The following DOP1A variants were observed in gnomAD, a reference collection of about 807,000 sequenced individuals.
DOP1A encodes the protein protein DOP1A.
In DOP1A, 90 loss-of-function variants were observed where a neutral mutation model predicts 267.6. The observed-to-expected ratio is 0.34, with a 90% CI of 0.28 to 0.40. The LOEUF is 0.40. Ranked by LOEUF, DOP1A falls within the 10% of genes least tolerant of loss-of-function variation. The pLI is 1.00. For synonymous variants in DOP1A, 932 were observed against 999.1 expected (o/e 0.93, Z 1.27); for missense variants, 2,437 against 2,900.4 (o/e 0.84, Z 3.67).
intron 19 of DOP1A, 110 bp downstream of exon 19, chr6:83,134,397 T>A (rs1778548329): frequency 2.7e-6 from 2 of 744,824 alleles, no homozygotes; most frequent in Non-Finnish European, 4.0e-6. Flanking sequence ...TTTACAAATT[T>A]TATAAAGAGA....
Position 83,138,383 on chromosome 6 carries a change from C to G in DOP1A, c.4341C>G (p.Phe1447Leu). 6.2e-7 allele frequency: 1 copy of G among 1,610,860 alleles called. No homozygotes were observed. Among genetic ancestry groups the G allele is most frequent in the Non-Finnish European group, 8.5e-7 (1 of 1,179,894 alleles). ...SHIPVDSNHN[F>L]RSSMYIEILI... ...TTCCAGTGGACTCAAATCATAACTTCCGGAGTTCTATGTACATAGAAATTC... is the reference window on the plus strand; with the variant it reads ...TTCCAGTGGACTCAAATCATAACTTGCGGAGTTCTATGTACATAGAAATTC... The change falls in exon 21 of 39, where the codon TTC becomes TTG. Residue 1447 changes from phenylalanine to leucine, a missense_variant. By Grantham distance (22) the Phe-to-Leu change is conservative. Coordinates refer to ENST00000349129, the MANE Select transcript of DOP1A (RefSeq NM_015018.4).
At chr6:83,154,085 C>T (rs2128349467) in intron 32 of DOP1A, 42 bp downstream of exon 32, 1 of 1,612,844 alleles carries the variant, frequency 6.2e-7, no homozygotes, top group Non-Finnish European at 8.5e-7. Flanking sequence ...ATGCACCTCA[C>T]AGTCTGATGA....
intron 33 of DOP1A, among the ~76,000 whole-genome samples, chr6:83,154,965 T>C (rs1562375698): frequency 6.6e-6 from 1 of 152,208 alleles, no homozygotes; most frequent in Non-Finnish European, 1.5e-5. Context: ...TTCAGATTTA[T>C]CCATTCAACA....
chr6:83,099,489 G>A (rs929850004), intron 3 of DOP1A, among the ~76,000 whole-genome samples: 145 of 151,910 alleles, frequency 9.5e-4, no homozygotes, highest in African/African-American at 3.3e-3. Context: ...AAGATATACT[G>A]GGAACTCTTT....
intron 29 of DOP1A, 74 bp from the exon 30 acceptor site, chr6:83,152,214 A>G (rs1296340983): frequency 4.6e-6 from 2 of 432,922 alleles, no homozygotes; most frequent in African/African-American, 3.7e-5. Context: ...AAAATAATAC[A>G]CACACACACA....
Position 83,157,403 on chromosome 6 carries a change from A to G in DOP1A, c.6741+85A>G, listed in dbSNP as rs1473342051. 19 of 1,400,574 alleles carry G rather than the reference A, an allele frequency of 1.4e-5. No homozygotes were observed. The East Asian group carries it at 4.1e-4, about 30-fold the overall frequency. The allele number at this position is 1,400,574 out of a possible 1,614,324, so 86.8% of individuals were successfully genotyped here. ...CCATGTGCTTACTAGATATTAACGA[A>G]TATTGGGAGAGAACTGAGCTGTAGT... is the stretch of plus-strand genomic sequence containing the variant. On this transcript the variant is annotated intron_variant, in intron 35 of 38. Coordinates refer to ENST00000349129, the MANE Select transcript of DOP1A (RefSeq NM_015018.4).
At chr6:83,123,402 G>A (rs888849233) in intron 12 of DOP1A, among the ~76,000 whole-genome samples, 1 of 151,966 alleles carries the variant, frequency 6.6e-6, no homozygotes, top group Non-Finnish European at 1.5e-5. Context: ...ACTGGGAAGT[G>A]ATAAAAGCCT....
rs1773100192 is a variant in DOP1A at position 83,104,027 on chromosome 6, A to G, written c.320+3141A>G. Reference sequence around the variant, plus strand: ...CTGTCTTTTGAAGAAAGTTTTTTTTAGTTTAATGAAGTCTGATTTATCAAC... The same window carrying G: ...CTGTCTTTTGAAGAAAGTTTTTTTTGGTTTAATGAAGTCTGATTTATCAAC... On this transcript the variant is annotated intron_variant, in intron 4 of 38. Transcript: ENST00000349129. 2.0e-5 allele frequency among the ~76,000 whole-genome samples: 3 copies of G among 149,818 alleles called. No individual in the cohort carries two copies. In the South Asian group the frequency reaches 6.2e-4, roughly 31 times the overall value.
chr6:83,077,388 G>A (rs1341188048), intron 1 of DOP1A, among the ~76,000 whole-genome samples: 3 of 152,134 alleles, frequency 2.0e-5, no homozygotes, highest in Admixed American at 2.0e-4. Flanking sequence ...AGGACTATAG[G>A]CTGGGCACAG....
At chr6:83,091,695 A>G (rs1438693951) in intron 1 of DOP1A, among the ~76,000 whole-genome samples, 2 of 152,182 alleles carry the variant, frequency 1.3e-5, no homozygotes, top group African/African-American at 2.4e-5. Flanking sequence ...CATTAATAGA[A>G]ATTACTACTA....
At chr6:83,082,265 G>T (rs1768231653) in intron 1 of DOP1A, among the ~76,000 whole-genome samples, 1 of 152,122 alleles carries the variant, frequency 6.6e-6, no homozygotes, top group South Asian at 2.1e-4. Context: ...TCAGCCTAGG[G>T]GTCTATCAGC....
intron 38 of DOP1A, chr6:83,166,867 T>C (rs935969568): frequency 9.3e-5 from 93 of 994,770 alleles, no homozygotes; most frequent in Non-Finnish European, 1.1e-4. Flanking sequence ...CATTTGTTAA[T>C]ATGACAGATT....
chr6:83,087,084 A>G (rs1250144305), intron 1 of DOP1A, among the ~76,000 whole-genome samples: 1 of 152,180 alleles, frequency 6.6e-6, no homozygotes, highest in Non-Finnish European at 1.5e-5. Flanking sequence ...ACTGGGAGGA[A>G]GGTCCTTTGT....
chr6:83,155,983 A>T lies in DOP1A; in HGVS notation c.6484A>T (p.Asn2162Tyr), dbSNP rs764565357. The change falls in exon 34 of 39, where the codon AAT (asparagine) becomes TAT (tyrosine). Residue 2162 changes from asparagine to tyrosine, a missense_variant. Asn to Tyr is a moderately radical substitution (Grantham distance 143). Transcript: ENST00000349129. The stretch of plus-strand genomic sequence containing the variant: ...AGCAGTGGCTCAAAGCAGTTCACTT[A>T]ATCTCTTTGCAAACCGTGATGTGGA... ...RVAVAQSSSL[N>Y]LFANRDVELE... 8.1e-6 allele frequency: 13 copies of T among 1,613,942 alleles called. No homozygotes were observed. The highest frequency in any genetic ancestry group is 1.1e-5 in the Non-Finnish European group (13 of 1,179,936).
chr6:83,109,909 C>T (rs546435520), intron 5 of DOP1A, among the ~76,000 whole-genome samples: 15 of 152,206 alleles, frequency 9.9e-5, no homozygotes, highest in Non-Finnish European at 1.9e-4. Context: ...AAGTGACTTC[C>T]TCAACATATA....
intron 38 of DOP1A, chr6:83,166,815 A>C: frequency 9.8e-7 from 1 of 1,017,498 alleles, no homozygotes. Context: ...TAGGTAAACA[A>C]TGAAAGTTTC....
chr6:83,129,407 T>G lies in DOP1A; in HGVS notation c.2240T>G (p.Phe747Cys), dbSNP rs1287215228. The G allele has an allele frequency of 6.2e-7, 1 of 1,611,334 alleles. No homozygotes were observed. The highest frequency in any genetic ancestry group is 1.1e-5 in the South Asian group (1 of 90,542). ...QKTSKEYLSA[F>C]LAACQLFLEC... ...ACTTCTAAAGAATACCTGTCTGCCT[T>G]CCTTGCTGCCTGTCAGCTCTTCCTA... The change falls in exon 16 of 39, where the codon TTC becomes TGC. Residue 747 changes from phenylalanine to cysteine, a missense_variant. By Grantham distance (205) the Phe-to-Cys change is radical (BLOSUM62 -2). Transcript: ENST00000349129.
intron 27 of DOP1A, 116 bp downstream of exon 27, chr6:83,148,979 G>A (rs1781068315): frequency 8.7e-6 from 5 of 573,786 alleles, no homozygotes; most frequent in Admixed American, 4.3e-5. Flanking sequence ...TTCTCATAGT[G>A]TTCTTGAGAT....
At chr6:83,164,714 C>G (rs985564256) in intron 38 of DOP1A, 7 of 1,590,748 alleles carry the variant, frequency 4.4e-6, no homozygotes, top group Non-Finnish European at 6.0e-6. Context: ...GATGGCCAAG[C>G]ATCAGGTGAG....
Sources: gnomAD v4.1 joint callset for allele counts (sites outside exome capture counted in the v4.1 genomes callset) on GRCh38, gnomAD v4.1.1 for gene constraint, MANE v1.5 for transcripts, NCBI Gene and HGNC (gene_info 2026-07-23, HGNC 2026-07-21) for gene names.